CCDC178: variants seen among roughly 807,000 people sequenced by gnomAD.
CCDC178 encodes the protein coiled-coil domain-containing protein 178.
In CCDC178, 126 loss-of-function variants were observed where a neutral mutation model predicts 117.4. The ratio of observed to expected loss-of-function variants is 1.07; its 90% confidence interval spans 0.93 to 1.24. The LOEUF is 1.24. Among genes scored for constraint, CCDC178 ranks in the 50% most tolerant of loss-of-function variants. The pLI is 0.00. For missense variants in CCDC178, 1,030 were observed against 986.9 expected, an observed-to-expected ratio of 1.04 and a Z score of -0.59; for synonymous variants, 283 against 313.4, an observed-to-expected ratio of 0.90 and a Z score of 1.02.
intron 20 of CCDC178, among the ~76,000 whole-genome samples, chr18:33,210,978 T>C (rs2059100327): frequency 6.6e-6 from 1 of 151,998 alleles, no homozygotes; most frequent in Non-Finnish European, 1.5e-5. Context: ...GTTCATGCAA[T>C]GTACATTTGT....
intron 21 of CCDC178, among the ~76,000 whole-genome samples, chr18:33,009,543 C>G (rs1272465894): frequency 1.3e-5 from 2 of 152,048 alleles, no homozygotes; most frequent in Admixed American, 1.3e-4. Flanking sequence ...TCCTCAATTC[C>G]TTCATATTTT....
intron 2 of CCDC178, among the ~76,000 whole-genome samples, chr18:33,424,395 G>A (rs771540897): frequency 4.6e-5 from 7 of 152,192 alleles, no homozygotes; most frequent in Non-Finnish European, 8.8e-5. Flanking sequence ...GTACGTGGAT[G>A]TGCCTTATTC....
chr18:33,373,002 C>A (rs1360519485), intron 5 of CCDC178, among the ~76,000 whole-genome samples: 1 of 152,082 alleles, frequency 6.6e-6, no homozygotes, highest in African/African-American at 2.4e-5. Context: ...TCTTGATTTT[C>A]TTTCCAAAAT....
At chr18:33,258,733 A>G (rs1332385088) in intron 14 of CCDC178, among the ~76,000 whole-genome samples, 1 of 152,160 alleles carries the variant, frequency 6.6e-6, no homozygotes, top group African/African-American at 2.4e-5. Flanking sequence ...TTTAAATATA[A>G]ATATATTTAG....
intron 21 of CCDC178, among the ~76,000 whole-genome samples, chr18:33,042,980 A>T (rs896907758): frequency 4.6e-5 from 7 of 152,022 alleles, no homozygotes; most frequent in Non-Finnish European, 8.8e-5. Context: ...GTGAAAGGAT[A>T]TATGTATATT....
intron 2 of CCDC178, among the ~76,000 whole-genome samples, chr18:33,421,887 T>C (rs565778833): frequency 6.6e-6 from 1 of 152,212 alleles, no homozygotes; most frequent in African/African-American, 2.4e-5. Flanking sequence ...GTTTCAAAAC[T>C]TGTGTCTTCT....
chr18:33,166,781 G>A (rs1383018438), intron 20 of CCDC178, among the ~76,000 whole-genome samples: 2 of 152,080 alleles, frequency 1.3e-5, no homozygotes, highest in African/African-American at 4.8e-5. Flanking sequence ...GGTCTGATTT[G>A]ATTTTCTAAC....
intron 21 of CCDC178, among the ~76,000 whole-genome samples, chr18:33,029,202 GT>G (rs1377101126): frequency 6.6e-6 from 1 of 151,802 alleles, no homozygotes; most frequent in African/African-American, 2.4e-5. Flanking sequence ...CTTCTTATAA[GT>G]CTACTCATAT....
chr18:33,356,435 T>C, intron 6 of CCDC178, 89 bp from the exon 7 acceptor site: 1 of 1,207,336 alleles, frequency 8.3e-7, no homozygotes. Flanking sequence ...AATTCTCTAC[T>C]TTACATATCT....
At chr18:33,410,501 T>A (rs891558248) in intron 3 of CCDC178, among the ~76,000 whole-genome samples, 5 of 152,130 alleles carry the variant, frequency 3.3e-5, no homozygotes, top group Admixed American at 3.3e-4. Flanking sequence ...CAAACCAAGG[T>A]TTTTCAAATA....
At chr18:33,262,822 C>T (rs1387481568) in intron 14 of CCDC178, among the ~76,000 whole-genome samples, 2 of 152,094 alleles carry the variant, frequency 1.3e-5, no homozygotes, top group African/African-American at 4.8e-5. Flanking sequence ...ACTGATTTAT[C>T]GAGCATATTT....
At chr18:32,950,281 AAT>A (rs2054451945) in intron 22 of CCDC178, among the ~76,000 whole-genome samples, 1 of 152,042 alleles carries the variant, frequency 6.6e-6, no homozygotes, top group African/African-American at 2.4e-5. Flanking sequence ...CAATTCACAT[AAT>A]TTGCTGGACT....
At chr18:33,316,458 C>A (rs551002926) in intron 11 of CCDC178, among the ~76,000 whole-genome samples, 15 of 152,050 alleles carry the variant, frequency 9.9e-5, no homozygotes, top group African/African-American at 2.9e-4. Flanking sequence ...CTGAGCCCCC[C>A]GCACCCCTCC....
At chr18:32,981,733 C>A (rs1484560901) in intron 21 of CCDC178, among the ~76,000 whole-genome samples, 1 of 152,078 alleles carries the variant, frequency 6.6e-6, no homozygotes, top group African/African-American at 2.4e-5. Flanking sequence ...TAAATGTGAT[C>A]TTACCTATAA....
chr18:33,356,153 T>C (rs2063053928), intron 7 of CCDC178, among the ~76,000 whole-genome samples, 171 bp downstream of exon 7: 1 of 152,174 alleles, frequency 6.6e-6, no homozygotes, highest in Non-Finnish European at 1.5e-5. Flanking sequence ...TAGTTTGCCA[T>C]TATCAGTGAT....
chr18:33,388,928 A>G (rs572622010), intron 5 of CCDC178, among the ~76,000 whole-genome samples: 1 of 152,040 alleles, frequency 6.6e-6, no homozygotes, highest in Admixed American at 6.6e-5. Context: ...TATAAGTGGG[A>G]GCTGAACAAT....
intron 21 of CCDC178, among the ~76,000 whole-genome samples, chr18:33,027,834 G>A (rs1359833371): frequency 6.6e-6 from 1 of 151,524 alleles, no homozygotes; most frequent in Non-Finnish European, 1.5e-5. Flanking sequence ...GTATCACAAA[G>A]ATAACTACGA....
At chr18:33,136,928 T>A (rs2058135069) in intron 20 of CCDC178, among the ~76,000 whole-genome samples, 1 of 152,168 alleles carries the variant, frequency 6.6e-6, no homozygotes, top group East Asian at 1.9e-4. Flanking sequence ...TGCCAAGCTA[T>A]CTCTTAGGGG....
At chr18:32,995,700 T>G (rs1223702028) in intron 21 of CCDC178, among the ~76,000 whole-genome samples, 1 of 152,124 alleles carries the variant, frequency 6.6e-6, no homozygotes, top group Non-Finnish European at 1.5e-5. Context: ...AAGGTACTAT[T>G]AGACTTGCGC....
Sources: allele counts gnomAD v4.1 joint callset (sites outside exome capture counted in the v4.1 genomes callset), GRCh38; gene constraint gnomAD v4.1.1; transcripts MANE v1.5; gene names NCBI Gene and HGNC (gene_info 2026-07-23, HGNC 2026-07-21).